The following KCNN2 variants were observed in gnomAD, a reference collection of about 807,000 sequenced individuals.
KCNN2 encodes small conductance calcium-activated potassium channel protein 2.
KCNN2 carries 24 observed loss-of-function variants against 55.5 expected under a neutral mutation model. The ratio of observed to expected loss-of-function variants is 0.43; its 90% CI spans 0.31 to 0.61. The LOEUF is 0.61. Among genes scored for constraint, KCNN2 ranks in the 20% least tolerant of loss-of-function variants. The probability of loss-of-function intolerance (pLI) is 0.08; values close to 1 mark genes in which losing one functional copy is unlikely to be tolerated. For synonymous variants in KCNN2, 431 were observed against 336.1 expected (o/e 1.28, Z -3.09); for missense variants, 754 against 853.6 (o/e 0.88, Z 1.45).
chr5:114,376,324 C>T (rs761556365), intron 2 of KCNN2, among the ~76,000 whole-genome samples: 11 of 152,198 alleles, frequency 7.2e-5, no homozygotes, highest in Admixed American at 3.9e-4. Flanking sequence ...AGAGACCACA[C>T]GGAACACTCA....
chr5:114,110,064 A>G (rs748482741), intron 1 of KCNN2, among the ~76,000 whole-genome samples: 6 of 152,066 alleles, frequency 3.9e-5, no homozygotes, highest in Admixed American at 1.3e-4. Context: ...TGAGAGCATA[A>G]TGTTACTCCC....
intron 1 of KCNN2, among the ~76,000 whole-genome samples, chr5:114,111,803 G>A (rs1352199971): frequency 6.6e-6 from 1 of 152,186 alleles, no homozygotes; most frequent in African/African-American, 2.4e-5. Flanking sequence ...AGTTAGAATG[G>A]TGATCATTGT....
At chr5:114,257,261 C>G (rs1755002387) in intron 2 of KCNN2, among the ~76,000 whole-genome samples, 1 of 151,994 alleles carries the variant, frequency 6.6e-6, no homozygotes, top group Admixed American at 6.6e-5. Flanking sequence ...GGTTACTACA[C>G]CCTGTAGTAT....
intron 1 of KCNN2, among the ~76,000 whole-genome samples, chr5:114,062,820 A>T (rs966645668): frequency 2.0e-5 from 3 of 152,206 alleles, no homozygotes; most frequent in Admixed American, 6.5e-5. Context: ...CCTTAAAAAA[A>T]CCCTGTTTTT....
intron 3 of KCNN2, among the ~76,000 whole-genome samples, chr5:114,428,178 C>G (rs1759684327): frequency 6.6e-6 from 1 of 152,096 alleles, no homozygotes; most frequent in Non-Finnish European, 1.5e-5. Context: ...TGTATTATGT[C>G]TCAATTTTAC....
intron 2 of KCNN2, among the ~76,000 whole-genome samples, chr5:114,331,054 C>G (rs937809731): frequency 6.6e-6 from 1 of 152,194 alleles, no homozygotes; most frequent in Non-Finnish European, 1.5e-5. Context: ...ATTTGTTCTC[C>G]ATCACCGGTT....
At chr5:114,289,662 C>G (rs956119583) in intron 2 of KCNN2, among the ~76,000 whole-genome samples, 26 of 152,088 alleles carry the variant, frequency 1.7e-4, no homozygotes, top group African/African-American at 6.3e-4. Flanking sequence ...CAGGAGTAAG[C>G]CACCGCACCT....
At chr5:114,445,080 A>G (rs1211580739) in intron 3 of KCNN2, among the ~76,000 whole-genome samples, 1 of 152,128 alleles carries the variant, frequency 6.6e-6, no homozygotes, top group Non-Finnish European at 1.5e-5. Context: ...ATGTGCTTGC[A>G]TGTATATGTG....
chr5:114,212,258 T>G (rs1162745255), intron 1 of KCNN2, among the ~76,000 whole-genome samples: 2 of 152,062 alleles, frequency 1.3e-5, no homozygotes, highest in African/African-American at 4.8e-5. Flanking sequence ...CTGCTAAACC[T>G]TGAAAACATT....
chr5:114,270,730 T>C (rs1561548151), intron 2 of KCNN2, among the ~76,000 whole-genome samples: 1 of 152,212 alleles, frequency 6.6e-6, no homozygotes, highest in Non-Finnish European at 1.5e-5. Flanking sequence ...AGTATTACTA[T>C]GTCCGGAATT....
intron 2 of KCNN2, among the ~76,000 whole-genome samples, chr5:114,267,286 C>T (rs1333609393): frequency 2.0e-5 from 3 of 152,236 alleles, no homozygotes; most frequent in Non-Finnish European, 2.9e-5. Flanking sequence ...TGAGCCACTG[C>T]GCCCGGCCCC....
chr5:114,279,748 C>T (rs908974490), intron 2 of KCNN2, among the ~76,000 whole-genome samples: 4 of 151,638 alleles, frequency 2.6e-5, no homozygotes, highest in Admixed American at 6.6e-5. Context: ...TGAATAGTGC[C>T]GCAATAAACA....
chr5:114,173,492 A>G (rs1391028406), intron 1 of KCNN2, among the ~76,000 whole-genome samples: 1 of 148,618 alleles, frequency 6.7e-6, no homozygotes, highest in Non-Finnish European at 1.5e-5. Flanking sequence ...GATTCCCCAT[A>G]CAAATTGTAG....
chr5:114,194,583 C>T (rs188862183), intron 1 of KCNN2, among the ~76,000 whole-genome samples: 23 of 152,020 alleles, frequency 1.5e-4, no homozygotes, highest in East Asian at 1.2e-3. Flanking sequence ...GGGTTTGTTA[C>T]GTATTCTGAA....
At chr5:114,408,008 T>C (rs1758992915) in intron 3 of KCNN2, among the ~76,000 whole-genome samples, 2 of 152,148 alleles carry the variant, frequency 1.3e-5, no homozygotes, top group African/African-American at 4.8e-5. Flanking sequence ...TTTTTGAACC[T>C]GTCCTCCCTT....
chr5:114,414,740 A>C (rs1759253633), intron 3 of KCNN2, among the ~76,000 whole-genome samples: 2 of 152,354 alleles, frequency 1.3e-5, no homozygotes, highest in Non-Finnish European at 2.9e-5. Context: ...TAGAATTTAA[A>C]AACTTTGTGT....
chr5:114,345,249 A>G lies in KCNN2; in HGVS notation c.-184-15696A>G, dbSNP rs544239714. ...ATACACTACTCTTTGTGGAAAAAAA[A>G]ATATACATGTGTCAACTTCCTGGTA... On this transcript the variant is annotated intron_variant, in intron 2 of 10. Transcript: ENST00000512097. Among the ~76,000 whole-genome samples the G allele has an allele frequency of 1.4e-4, 21 of 152,352 alleles. No homozygotes were observed. In the South Asian group the frequency reaches 4.3e-3, roughly 32 times the overall value.
rs558367201 is a variant in KCNN2 at position 114,445,438 on chromosome 5, T to C, written c.1638-17611T>C. 2.0e-5 allele frequency among the ~76,000 whole-genome samples: 3 copies of C among 152,294 alleles called. No individual in the cohort carries two copies. The Middle Eastern group carries it at 0.01, about 518-fold the overall frequency. On this transcript the variant is annotated intron_variant, in intron 3 of 7. Transcript: ENST00000673685. ...ATAAAAATATTACTTATCAGTAAAATACACAAGTTAAGAAACAAACACTTT... is the reference window on the plus strand; with the variant it reads ...ATAAAAATATTACTTATCAGTAAAACACACAAGTTAAGAAACAAACACTTT...
rs534625564 is a variant in KCNN2, at chr5:114,223,487, A to C, written c.-185+1922A>C. Among the ~76,000 whole-genome samples, 428 of 152,314 alleles carry C rather than the reference A, an allele frequency of 2.8e-3. 4 individuals are homozygous for C. The highest frequency in any genetic ancestry group is 0.01 in the African/African-American group (416 of 41,564). On this transcript the variant is annotated intron_variant, in intron 2 of 10. Coordinates refer to the KCNN2 transcript ENST00000512097. ...TATATGATGATCATTTTCACATTTA[A>C]TAAAATTAATGGTTTTGAAATTAAG...
Sources: gnomAD v4.1 joint callset for allele counts (sites outside exome capture counted in the v4.1 genomes callset) on GRCh38, gnomAD v4.1.1 for gene constraint, MANE v1.5 for transcripts, NCBI Gene and HGNC (gene_info 2026-07-23, HGNC 2026-07-21) for gene names.